The following CRACD variants were observed in gnomAD, a reference collection of about 807,000 sequenced individuals.
CRACD encodes capping protein inhibiting regulator of actin dynamics, also known as capping protein-inhibiting regulator of actin dynamics.
CRACD carries 56 observed loss-of-function variants against 106.8 expected under a neutral mutation model. That is an observed-to-expected ratio of 0.52 (90% confidence interval 0.42 to 0.66). CRACD has a LOEUF of 0.66. CRACD is among the 30% of genes least tolerant of loss of function. The pLI, the probability that CRACD is intolerant of heterozygous loss-of-function variation, is 0.00. For synonymous variants in CRACD, 754 were observed against 670.8 expected (o/e 1.12, Z -1.92); for missense variants, 1,730 against 1,623.2 (o/e 1.07, Z -1.13).
In CRACD at chr4:56,050,028, CT is replaced by C. The variant is rs371484682; in HGVS notation, c.-336+740del. On this transcript the variant is annotated intron_variant, in intron 1 of 10. Transcript: ENST00000682029. ...TACGGATACGGTGGGTGGGGTATGG[CT>C]TTTTTTTTTTCATGATTATCAGTAA... 600 of 144,186 alleles carry C rather than the reference CT, an allele frequency of 4.2e-3. 4 individuals carry two copies. Among genetic ancestry groups the C allele is most frequent in the African/African-American group, 0.013 (500 of 39,574 alleles). The allele number at this position is 144,186 out of a possible 1,614,324, so 8.9% of individuals were successfully genotyped here.
At position 56,314,623 on chromosome 4, in the gene CRACD, A is replaced by G; in HGVS notation, c.1121A>G (p.Gln374Arg). 6.5e-7 allele frequency: 1 copy of G among 1,537,558 alleles called. No individual in the cohort carries two copies. The highest frequency in any genetic ancestry group is 8.8e-7 in the Non-Finnish European group (1 of 1,140,580). Residue 374 changes from glutamine to arginine, a missense_variant, in exon 8 of 11, where the codon CAG (glutamine) becomes CGG (arginine). By Grantham distance (43) the Gln-to-Arg change is conservative. Around this residue, in one of 5 missense-constraint regions of CRACD, gnomAD observed 1,620 missense variants for 1,481.6 expected, o/e 1.09. Transcript: ENST00000682029. The surrounding 1 kb of genome is among the most constrained non-coding windows in gnomAD (Gnocchi z 4.4). ...EEAEGWEELE[Q>R]QEAEVQGPPE... ...GCTGAGGGATGGGAAGAGCTGGAAC[A>G]GCAGGAGGCGGAGGTGCAGGGGCCG...
intron 2 of CRACD, among the ~76,000 whole-genome samples, chr4:56,207,135 G>A (rs1738161265): frequency 6.6e-6 from 1 of 152,114 alleles, no homozygotes; most frequent in Non-Finnish European, 1.5e-5. Flanking sequence ...ACAAAAACCA[G>A]CCTGTTCAAT....
rs763689039 is a variant in CRACD at position 56,272,350 on chromosome 4, T to C, written c.-159T>C. 9 of 152,976 alleles carry C rather than the reference T, an allele frequency of 5.9e-5. No individual in the cohort carries two copies. The highest frequency in any genetic ancestry group is 8.8e-5 in the Non-Finnish European group (6 of 68,062). 9.5% of individuals were successfully genotyped at this position (152,976 alleles called of 1,614,324 possible). A position where few individuals can be genotyped will look rare whatever the true frequency, so the allele number is the denominator to read the frequency against. Reference sequence around the variant, plus strand: ...GAAGAAGGGAGGCAAATTCCAGCCTTTTAAAAAGTTGTTTGGCAAAAGGAA... The same window carrying C: ...GAAGAAGGGAGGCAAATTCCAGCCTCTTAAAAAGTTGTTTGGCAAAAGGAA... On this transcript the variant is annotated 5_prime_UTR_variant, in exon 3 of 11. Coordinates refer to ENST00000682029, the MANE Select transcript of CRACD (RefSeq NM_001393381.1).
At chr4:56,101,215 A>G (rs1315413859) in intron 1 of CRACD, among the ~76,000 whole-genome samples, 2 of 152,038 alleles carry the variant, frequency 1.3e-5, no homozygotes, top group East Asian at 1.9e-4. Flanking sequence ...GGCAAAATTG[A>G]CTTAGGAAAA....
chr4:56,310,783 T>A (rs772963858), intron 6 of CRACD, 49 bp downstream of exon 6: 2 of 1,256,966 alleles, frequency 1.6e-6, no homozygotes, highest in Non-Finnish European at 2.3e-6. Context: ...TACTTAACTT[T>A]CATCTTCCCC....
intron 2 of CRACD, among the ~76,000 whole-genome samples, chr4:56,213,519 C>G (rs1024912505): frequency 1.3e-5 from 2 of 152,194 alleles, no homozygotes; most frequent in East Asian, 3.9e-4. Context: ...ATCACCTCCA[C>G]TTCCACAGCC....
At chr4:56,058,490 C>T (rs935256205) in intron 1 of CRACD, among the ~76,000 whole-genome samples, 9 of 152,132 alleles carry the variant, frequency 5.9e-5, no homozygotes, top group African/African-American at 2.2e-4. Context: ...AGAAAGCATA[C>T]GAACCGTGAG....
At chr4:56,317,037 A>G (rs1018857782) in intron 8 of CRACD, among the ~76,000 whole-genome samples, 2 of 152,236 alleles carry the variant, frequency 1.3e-5, no homozygotes, top group South Asian at 4.1e-4. Context: ...GAGTTTTGCC[A>G]TGACATTCCA....
At chr4:56,273,353 C>G (rs1291886839) in intron 3 of CRACD, among the ~76,000 whole-genome samples, 3 of 150,548 alleles carry the variant, frequency 2.0e-5, no homozygotes, top group African/African-American at 7.3e-5. Context: ...ACGTCCCTCC[C>G]TCCCTCCCTC....
intron 1 of CRACD, among the ~76,000 whole-genome samples, chr4:56,136,139 G>C (rs964357491): frequency 1.3e-5 from 2 of 151,862 alleles, no homozygotes; most frequent in Admixed American, 1.3e-4. Flanking sequence ...CTATTATATG[G>C]CTATACCATT....
intron 2 of CRACD, among the ~76,000 whole-genome samples, chr4:56,184,949 G>A (rs568095335): frequency 6.6e-6 from 1 of 152,136 alleles, no homozygotes; most frequent in East Asian, 1.9e-4. Flanking sequence ...GTGGCATTTA[G>A]TTTATTTATT....
chr4:56,188,711 C>CACAGAGAGAGAG (rs1446016845), intron 2 of CRACD, among the ~76,000 whole-genome samples: 3 of 113,166 alleles, frequency 2.7e-5, no homozygotes, highest in African/African-American at 1.2e-4. Context: ...CACACACACA[C>CACAGAGAGAGAG]AGAGAGAGAG....
intron 2 of CRACD, among the ~76,000 whole-genome samples, chr4:56,214,706 A>AT (rs1241460898): frequency 6.7e-4 from 54 of 80,396 alleles, no homozygotes; most frequent in Non-Finnish European, 1.2e-3. Flanking sequence ...TCAAACAGTT[A>AT]TTTTTTTTTA....
intron 2 of CRACD, among the ~76,000 whole-genome samples, chr4:56,258,166 A>T (rs543197681): frequency 1.3e-5 from 2 of 152,266 alleles, no homozygotes; most frequent in African/African-American, 4.8e-5. Context: ...CTTGGCCTCT[A>T]CAACTCCTTA....
At chr4:56,159,292 G>T (rs1462163267) in intron 1 of CRACD, among the ~76,000 whole-genome samples, 1 of 152,196 alleles carries the variant, frequency 6.6e-6, no homozygotes, top group East Asian at 1.9e-4. Flanking sequence ...GGTCTCTGTA[G>T]TCAGCTATAT....
At chr4:56,199,402 G>T (rs1297116703) in intron 2 of CRACD, among the ~76,000 whole-genome samples, 1 of 152,114 alleles carries the variant, frequency 6.6e-6, no homozygotes, top group Non-Finnish European at 1.5e-5. Context: ...AAGAGAACCT[G>T]CCTGGGCGCA....
At chr4:56,106,410 A>G (rs1219319416) in intron 1 of CRACD, among the ~76,000 whole-genome samples, 3 of 152,334 alleles carry the variant, frequency 2.0e-5, no homozygotes, top group Middle Eastern at 3.4e-3. Flanking sequence ...AACTCTGGAG[A>G]CTGCTAGTGT....
chr4:56,252,209 G>A (rs955075557), intron 2 of CRACD, among the ~76,000 whole-genome samples: 1 of 151,962 alleles, frequency 6.6e-6, no homozygotes, highest in Non-Finnish European at 1.5e-5. Flanking sequence ...ACTTATCTGG[G>A]CTTTACATAC....
At chr4:56,072,102 T>G (rs1234694800) in intron 1 of CRACD, among the ~76,000 whole-genome samples, 1 of 133,920 alleles carries the variant, frequency 7.5e-6, no homozygotes, top group African/African-American at 2.9e-5. Context: ...CACTCCAGCC[T>G]GGGCGACAGA....
Sources: gnomAD v4.1 joint callset for allele counts (sites outside exome capture counted in the v4.1 genomes callset) on GRCh38, gnomAD v4.1.1 for gene constraint, gnomAD v4.1.1 regional missense constraint, Gnocchi (gnomAD v3.1) non-coding constraint, MANE v1.5 for transcripts, NCBI Gene and HGNC (gene_info 2026-07-23, HGNC 2026-07-21) for gene names.